The following ASH1L variants were observed in gnomAD, a reference collection of about 807,000 sequenced individuals.
The protein encoded by ASH1L is ASH1 like histone lysine methyltransferase.
ASH1L carries 23 observed loss-of-function variants against 269.0 expected under a neutral mutation model. The ratio of observed to expected loss-of-function variants is 0.09; its 90% CI spans 0.06 to 0.12. ASH1L has a LOEUF of 0.12. Among genes scored for constraint, ASH1L ranks in the 10% least tolerant of loss-of-function variants. The probability of loss-of-function intolerance (pLI) is 1.00; values close to 1 mark genes in which losing one functional copy is unlikely to be tolerated. For missense variants in ASH1L, 2,912 were observed against 3,567.8 expected, an observed-to-expected ratio of 0.82 and a Z score of 4.68; for synonymous variants, 1,187 against 1,253.5, an observed-to-expected ratio of 0.95 and a Z score of 1.12.
At chr1:155,443,761 T>C (rs1232854952) in intron 4 of ASH1L, among the ~76,000 whole-genome samples, 1 of 152,216 alleles carries the variant, frequency 6.6e-6, no homozygotes, top group Non-Finnish European at 1.5e-5. Flanking sequence ...TTGCCACATT[T>C]CTTTTTACTG....
In ASH1L at chr1:155,377,473, T is replaced by C. The variant is rs555811768; in HGVS notation, c.6332+808A>G. Among the ~76,000 whole-genome samples the C allele has an allele frequency of 7.9e-5, 12 of 152,128 alleles. No individual in the cohort carries two copies. The East Asian group carries it at 2.1e-3, about 27-fold the overall frequency. ...AGCTGGGCACAGTATCACATACCTA[T>C]AGTTCCAGCTACTCAGGAGGTTGAG... is the stretch of plus-strand genomic sequence containing the variant. On this transcript the variant is annotated intron_variant, in intron 10 of 27. Transcript: ENST00000392403.
intron 5 of ASH1L, among the ~76,000 whole-genome samples, chr1:155,421,131 G>A (rs2148560433): frequency 6.7e-6 from 1 of 150,148 alleles, no homozygotes; most frequent in South Asian, 2.1e-4. Context: ...CCCAGCTACT[G>A]AAGAGGCTAA....
At chr1:155,524,337 C>T (rs1669089010) in intron 1 of ASH1L, among the ~76,000 whole-genome samples, 2 of 151,126 alleles carry the variant, frequency 1.3e-5, no homozygotes, top group Non-Finnish European at 2.9e-5. Flanking sequence ...CTAGCTAACT[C>T]GGTGAAACCC....
intron 3 of ASH1L, among the ~76,000 whole-genome samples, chr1:155,464,731 T>G (rs932395870): frequency 1.1e-4 from 16 of 152,074 alleles, no homozygotes; most frequent in African/African-American, 3.9e-4. Context: ...GAAGGAACCT[T>G]GGAAGTGATT....
At chr1:155,436,946 C>T (rs1194058941) in intron 5 of ASH1L, among the ~76,000 whole-genome samples, 1 of 152,090 alleles carries the variant, frequency 6.6e-6, no homozygotes, top group Non-Finnish European at 1.5e-5. Context: ...TGTCTTTTAC[C>T]CTGCTGAATG....
intron 3 of ASH1L, among the ~76,000 whole-genome samples, chr1:155,473,490 C>CTTT (rs1198354857): frequency 7.2e-4 from 102 of 142,374 alleles, no homozygotes; most frequent in African/African-American, 2.9e-3. Flanking sequence ...TGTAGTATTT[C>CTTT]TATTTTTTTT....
In ASH1L at chr1:155,545,250, A is replaced by G. The variant is rs561116811; in HGVS notation, c.-100+16903T>C. Among the ~76,000 whole-genome samples the G allele has an allele frequency of 2.0e-5, 3 of 151,042 alleles. No individual in the cohort carries two copies. The South Asian group carries it at 6.3e-4, about 32-fold the overall frequency. ...AATTTGGTTGAAATTCAAAATAGCA[A>G]GTAATACTGATAATGTATGGTAAAT... On this transcript the variant is annotated intron_variant, in intron 1 of 27. Transcript: ENST00000392403.
chr1:155,377,977 C>G (rs917605063), intron 10 of ASH1L, among the ~76,000 whole-genome samples: 1 of 151,314 alleles, frequency 6.6e-6, no homozygotes, highest in Admixed American at 6.6e-5. Flanking sequence ...GAGCCGAGAT[C>G]GCGCCACTGC....
chr1:155,474,024 A>C (rs956410293), intron 3 of ASH1L, among the ~76,000 whole-genome samples: 3 of 151,906 alleles, frequency 2.0e-5, no homozygotes, highest in African/African-American at 7.3e-5. Context: ...TAGTAGAGAC[A>C]GGTTTCGCCA....
At chr1:155,528,203 A>T (rs1295457437) in intron 1 of ASH1L, among the ~76,000 whole-genome samples, 3 of 152,134 alleles carry the variant, frequency 2.0e-5, no homozygotes, top group African/African-American at 7.2e-5. Context: ...CCCCAAATCT[A>T]TTCTTCCTAC....
At chr1:155,395,636 TGAG>T in intron 6 of ASH1L, 83 bp from the exon 7 acceptor site, 1 of 903,882 alleles carries the variant, frequency 1.1e-6, no homozygotes, top group Non-Finnish European at 1.7e-6. Flanking sequence ...GATCATCCTA[TGAG>T]GAGAGGGTAC....
At chr1:155,440,668 C>A (rs755352704) in intron 4 of ASH1L, 2 of 205,640 alleles carry the variant, frequency 9.7e-6, no homozygotes, top group African/African-American at 2.4e-5. Context: ...TAAAAACTTT[C>A]TAGCCTGAGC....
intron 4 of ASH1L, among the ~76,000 whole-genome samples, chr1:155,442,540 G>A (rs564283135): frequency 3.7e-5 from 5 of 135,136 alleles, no homozygotes; most frequent in Admixed American, 8.8e-5. Flanking sequence ...CCGAGATCAC[G>A]CCACTGCCCT....
At chr1:155,337,816 C>T in intron 27 of ASH1L, 65 bp from the exon 28 acceptor site, 1 of 1,454,958 alleles carries the variant, frequency 6.9e-7, no homozygotes, top group Non-Finnish European at 9.6e-7. Context: ...CAGATTTGAG[C>T]TCTAAGGAGA....
In ASH1L at chr1:155,562,527, C is replaced by G. The variant is rs1483157568; in HGVS notation, c.-474G>C. 4.1e-5 allele frequency: 63 copies of G among 1,520,166 alleles called. No homozygotes were observed. Among genetic ancestry groups the G allele is most frequent in the Non-Finnish European group, 4.6e-5 (52 of 1,131,070 alleles). The allele number at this position is 1,520,166 out of a possible 1,614,324, so 94.2% of individuals were successfully genotyped here. On this transcript the variant is annotated 5_prime_UTR_variant, in exon 1 of 28. Transcript: ENST00000392403. Reference sequence around the variant, plus strand: ...GCGCCTAGCGCCCCCCTCAACCTTCCACTCCTTCCTCCTTGCGTTCTTTCC... The same window carrying G: ...GCGCCTAGCGCCCCCCTCAACCTTCGACTCCTTCCTCCTTGCGTTCTTTCC...
intron 5 of ASH1L, among the ~76,000 whole-genome samples, chr1:155,431,493 G>A (rs1406355943): frequency 1.3e-5 from 2 of 152,054 alleles, no homozygotes; most frequent in South Asian, 2.1e-4. Context: ...CAGGTGCGGT[G>A]CTCACACCTG....
rs1665860920 is a variant in ASH1L, at chr1:155,480,294, G to T, written c.2576C>A (p.Ser859Tyr). The T allele has an allele frequency of 1.2e-6, 2 of 1,614,018 alleles. No individual in the cohort carries two copies. The highest frequency in any genetic ancestry group is 1.7e-6 in the Non-Finnish European group (2 of 1,180,012). ...IPASKVFSLQ[S>Y]KEEQEPPILQ... ...AATTGGGGGTTCTTGTTCTTCCTTA[G>T]ACTGTAAAGAAAACACTTTAGAAGC... Residue 859 changes from serine (S) to tyrosine (Y), a missense_variant, in exon 3 of 28, where the codon TCT becomes TAT. Ser to Tyr is a moderately radical substitution (Grantham distance 144). Coordinates refer to ENST00000392403, the MANE Select transcript of ASH1L (RefSeq NM_018489.3).
rs1242293018 is a variant in ASH1L at position 155,513,779 on chromosome 1, C to T, written c.420+7321G>A. 3.3e-5 allele frequency among the ~76,000 whole-genome samples: 5 copies of T among 152,054 alleles called. No individual in the cohort carries two copies. The East Asian group carries it at 9.6e-4, about 29-fold the overall frequency. ...AAAAGCTGGAAGCAATACCAGTGGC[C>T]ATCCATAGATGGACTAGATTAACTT... On this transcript the variant is annotated intron_variant, in intron 2 of 27. Coordinates refer to ENST00000392403, the MANE Select transcript of ASH1L (RefSeq NM_018489.3).
At chr1:155,528,991 G>C (rs1412331694) in intron 1 of ASH1L, among the ~76,000 whole-genome samples, 3 of 151,904 alleles carry the variant, frequency 2.0e-5, no homozygotes, top group Admixed American at 1.3e-4. Context: ...CAAAGATAAT[G>C]GCCTCCACTC....
Sources: allele counts gnomAD v4.1 joint callset (sites outside exome capture counted in the v4.1 genomes callset), GRCh38; gene constraint gnomAD v4.1.1; transcripts MANE v1.5; gene names NCBI Gene and HGNC (gene_info 2026-07-23, HGNC 2026-07-21).